The following SOAT2 variants were observed in gnomAD, a reference collection of about 807,000 sequenced individuals.
SOAT2 encodes the protein ACAT-2.
A neutral mutation model predicts 76.0 loss-of-function variants in SOAT2; 87 were observed. The ratio of observed to expected loss-of-function variants is 1.14; its 90% CI spans 0.96 to 1.37. SOAT2 has a LOEUF of 1.37. Among genes scored for constraint, SOAT2 ranks in the 40% most tolerant of loss-of-function variants. SOAT2 has a pLI of 0.00. For missense variants in SOAT2, 686 were observed against 682.1 expected, an observed-to-expected ratio of 1.01 and a Z score of -0.06; for synonymous variants, 285 against 275.4, an observed-to-expected ratio of 1.03 and a Z score of -0.34.
rs1937871281 is a variant in SOAT2, at chr12:53,103,555, T to C, written c.-23T>C. 1.3e-5 allele frequency: 20 copies of C among 1,543,356 alleles called. No individual in the cohort carries two copies. The highest frequency in any genetic ancestry group is 1.7e-5 in the Non-Finnish European group (19 of 1,146,044). On this transcript the variant is annotated 5_prime_UTR_variant, in exon 1 of 15. Coordinates refer to ENST00000301466, the MANE Select transcript of SOAT2 (RefSeq NM_003578.4). ...GGAGGCAACACGGGCAAGGGCTGCC[T>C]GCTGCCCGCTGGAGACCGCACCATG... is the stretch of plus-strand genomic sequence containing the variant.
rs1177514325 is a variant in SOAT2, at chr12:53,122,769, TCCTTTCCCCA to T, written c.1237-302_1237-293del. On this transcript the variant is annotated intron_variant, in intron 12 of 14. Transcript: ENST00000301466. ...ACACCGCAACCATCCGATTTCTCAA[TCCTTTCCCCA>T]CCTTTCCCCCCTTTCTATTCCACAA... Among the ~76,000 whole-genome samples the T allele has an allele frequency of 3.1e-3, 472 of 152,304 alleles. 1 individual carries two copies. Among genetic ancestry groups the T allele is most frequent in the African/African-American group, 0.011 (443 of 41,562 alleles).
chr12:53,117,103 T>A (rs1164778671), intron 7 of SOAT2, among the ~76,000 whole-genome samples: 2 of 151,374 alleles, frequency 1.3e-5, no homozygotes, highest in African/African-American at 4.9e-5. Context: ...GGATTATAGG[T>A]GTGTGTCACC....
intron 12 of SOAT2, among the ~76,000 whole-genome samples, chr12:53,122,631 G>A (rs1938208885): frequency 6.6e-6 from 1 of 151,862 alleles, no homozygotes; most frequent in Non-Finnish European, 1.5e-5. Context: ...ACATGTTTCA[G>A]AGAGCACAGG....
At chr12:53,107,570 A>T (rs1049841316) in intron 5 of SOAT2, among the ~76,000 whole-genome samples, 1 of 150,440 alleles carries the variant, frequency 6.6e-6, no homozygotes. Context: ...ACTGCAGAAA[A>T]TAATAAAAAC....
chr12:53,104,980 C>A, intron 2 of SOAT2, 127 bp from the exon 3 acceptor site: 1 of 1,110,118 alleles, frequency 9.0e-7, no homozygotes, highest in Middle Eastern at 2.8e-4. Context: ...CTGCTGACCC[C>A]CCAGGTTGTT....
chr12:53,121,546 CTCA>C, intron 12 of SOAT2, 145 bp downstream of exon 12: 1 of 641,246 alleles, frequency 1.6e-6, no homozygotes. Context: ...TCCTCATTTT[CTCA>C]TTTTACCCAA....
chr12:53,119,657 A>T (rs1011947356), intron 10 of SOAT2, among the ~76,000 whole-genome samples: 20 of 78,432 alleles, frequency 2.5e-4, no homozygotes, highest in African/African-American at 4.6e-4. Context: ...GGGGGAAGAT[A>T]TGTGCTTCCA....
At chr12:53,108,966 C>G (rs1396368780) in intron 5 of SOAT2, among the ~76,000 whole-genome samples, 2 of 152,208 alleles carry the variant, frequency 1.3e-5, no homozygotes, top group African/African-American at 4.8e-5. Context: ...TGGCTGGGCA[C>G]AGTGGCTCAT....
rs898204958 is a variant in SOAT2 at position 53,116,267 on chromosome 12, C to G, written c.778+101C>G. On this transcript the variant is annotated intron_variant, in intron 7 of 14. Coordinates refer to ENST00000301466, the MANE Select transcript of SOAT2 (RefSeq NM_003578.4). ...TGATAAAAGTCCCTGCCTTCCTAAG[C>G]CCGGGTTGCCCACCAGGCACAGCCC... 3 of 1,067,262 alleles carry G rather than the reference C, an allele frequency of 2.8e-6. No individual in the cohort carries two copies. In the African/African-American group the frequency reaches 4.8e-5, roughly 17 times the overall value. 66.1% of individuals were successfully genotyped at this position (1,067,262 alleles called of 1,614,324 possible). A position where few individuals can be genotyped will look rare whatever the true frequency, so the allele number is the denominator to read the frequency against.
chr12:53,104,090 C>T, intron 1 of SOAT2, 61 bp from the exon 2 acceptor site: 1 of 1,387,008 alleles, frequency 7.2e-7, no homozygotes, highest in Admixed American at 1.7e-5. Context: ...CCACAGGATG[C>T]CTCTGGGTCT....
At chr12:53,106,533 C>T (rs1172712587) in intron 5 of SOAT2, among the ~76,000 whole-genome samples, 1 of 152,220 alleles carries the variant, frequency 6.6e-6, no homozygotes, top group Non-Finnish European at 1.5e-5. Flanking sequence ...AGCTGTATAC[C>T]CCTGGGGGTC....
Position 53,115,759 on chromosome 12 carries a change from C to T in SOAT2, c.708+105C>T, listed in dbSNP as rs145264313. 8.4e-5 allele frequency: 112 copies of T among 1,337,988 alleles called. No individual in the cohort carries two copies. In the African/African-American group the frequency reaches 1.1e-3, roughly 13 times the overall value. 82.9% of individuals were successfully genotyped at this position (1,337,988 alleles called of 1,614,324 possible). ...GGGGGCGGGGCCCACGAGAGGGAGG[C>T]GCTGGAGAAGGCATTGGCAGGGGCG... is the stretch of plus-strand genomic sequence containing the variant. On this transcript the variant is annotated intron_variant, in intron 6 of 14. Transcript: ENST00000301466.
intron 7 of SOAT2, among the ~76,000 whole-genome samples, chr12:53,117,750 C>T (rs547338767): frequency 2.5e-4 from 38 of 152,124 alleles, no homozygotes; most frequent in Middle Eastern, 3.4e-3. Flanking sequence ...CCAATGCCAC[C>T]GGCAGCTGCC....
In SOAT2 at chr12:53,124,110, C is replaced by A. The variant is rs769501355; in HGVS notation, c.1556C>A (p.Ser519Tyr). Residue 519 changes from serine (S) to tyrosine (Y), a missense_variant, in exon 15 of 15, where the codon TCC becomes TAC. Ser to Tyr is a moderately radical substitution (Grantham distance 144). Transcript: ENST00000301466. ...FWGLVTPRSW[S>Y]CHT is the part of the protein sequence containing the mutation. ...GGGCTGGTGACACCTCGATCTTGGT[C>A]CTGCCATACCTAGAGGTCGGGACAG... 1.9e-6 allele frequency: 3 copies of A among 1,614,172 alleles called. No individual in the cohort carries two copies. The highest frequency in any genetic ancestry group is 2.5e-6 in the Non-Finnish European group (3 of 1,180,036).
chr12:53,105,725 G>A, intron 4 of SOAT2, 105 bp downstream of exon 4: 4 of 1,140,734 alleles, frequency 3.5e-6, no homozygotes. Flanking sequence ...TTGTGGAGAG[G>A]ACTTGGAAAG....
chr12:53,120,734 G>A lies in SOAT2; in HGVS notation c.1040-52G>A, dbSNP rs190707904. The A allele has an allele frequency of 2.7e-3, 3,627 of 1,324,804 alleles. 49 individuals carry two copies. In the Admixed American group the frequency reaches 0.029, roughly 11 times the overall value. 82.1% of individuals were successfully genotyped at this position (1,324,804 alleles called of 1,614,324 possible). Reference sequence around the variant, plus strand: ...CTCAGAACCCAGATCAGGGCTGCCTGTGGGTCCATGTGGGCCAGCCTGACC... The same window carrying A: ...CTCAGAACCCAGATCAGGGCTGCCTATGGGTCCATGTGGGCCAGCCTGACC... On this transcript the variant is annotated intron_variant, in intron 10 of 14. Transcript: ENST00000301466.
chr12:53,115,523 T>C lies in SOAT2; in HGVS notation c.577T>C (p.Trp193Arg), dbSNP rs779087944. ...CCTACGGCTGTGGGCCAGGGGCACC[T>C]GGACGCAGGCGACGGGCCTGGGCTG... is the stretch of plus-strand genomic sequence containing the variant. Reference protein sequence around the residue: ...QALRLWARGTWTQATGLGCAL... With the variant: ...QALRLWARGTRTQATGLGCAL... The change falls in exon 6 of 15, where the codon TGG (tryptophan) becomes CGG (arginine). Residue 193 changes from tryptophan (W) to arginine (R), a missense_variant. By Grantham distance (101) the Trp-to-Arg change is moderately radical (BLOSUM62 -3). Coordinates refer to ENST00000301466, the MANE Select transcript of SOAT2 (RefSeq NM_003578.4). 2.5e-6 allele frequency: 4 copies of C among 1,605,550 alleles called. No homozygotes were observed. Among genetic ancestry groups the C allele is most frequent in the East Asian group, 4.5e-5 (2 of 44,874 alleles).
intron 5 of SOAT2, among the ~76,000 whole-genome samples, chr12:53,109,312 C>T (rs532885061): frequency 6.6e-6 from 1 of 152,136 alleles, no homozygotes; most frequent in African/African-American, 2.4e-5. Context: ...AGCAGTCTCT[C>T]ATAACTTTGG....
At position 53,121,371 on chromosome 12, in the gene SOAT2, G is replaced by A. The variant is rs36020119; in HGVS notation, c.1206G>A (p.Leu402=). Residue 402 remains leucine, a synonymous_variant, in exon 12 of 15, where the codon CTG becomes CTA. Transcript: ENST00000301466. ...RTWNVVVHDW[L]YSYVYQDGLR... ...GGAACGTGGTGGTCCATGACTGGCT[G>A]TACAGCTACGTGTATCAGGATGGGC... 16 of 1,614,152 alleles carry A rather than the reference G, an allele frequency of 9.9e-6. No homozygotes were observed. The highest frequency in any genetic ancestry group is 1.4e-5 in the Non-Finnish European group (16 of 1,180,002).
Sources: allele counts gnomAD v4.1 joint callset (sites outside exome capture counted in the v4.1 genomes callset), GRCh38; gene constraint gnomAD v4.1.1; transcripts MANE v1.5; gene names NCBI Gene and HGNC (gene_info 2026-07-23, HGNC 2026-07-21).